The following ANKRD12 variants were observed in gnomAD, a reference collection of about 807,000 sequenced individuals.
ANKRD12 encodes the protein ankyrin repeat domain 12.
A neutral mutation model predicts 183.4 loss-of-function variants in ANKRD12; 85 were observed. The ratio of observed to expected loss-of-function variants is 0.46; its 90% CI spans 0.39 to 0.56. The LOEUF (loss-of-function observed/expected upper bound fraction) is 0.56, where lower values mean the gene tolerates loss of function less well. Ranked by LOEUF, ANKRD12 falls within the 20% of genes least tolerant of loss-of-function variation. The pLI is 0.00. For synonymous variants in ANKRD12, 914 were observed against 800.2 expected, an observed-to-expected ratio of 1.14 and a Z score of -2.40; for missense variants, 2,405 against 2,357.1, an observed-to-expected ratio of 1.02 and a Z score of -0.42.
intron 1 of ANKRD12, among the ~76,000 whole-genome samples, chr18:9,157,604 T>TATATATATATATATATATGTA (rs1491418837): frequency 8.7e-5 from 4 of 45,930 alleles, no homozygotes; most frequent in Admixed American, 3.4e-4. Flanking sequence ...TATATATGTA[T>TATATATATATATATATATGTA]TTTTTTTTTT....
intron 10 of ANKRD12, among the ~76,000 whole-genome samples, chr18:9,270,194 A>C (rs1303007851): frequency 6.6e-6 from 1 of 152,228 alleles, no homozygotes; most frequent in Admixed American, 6.5e-5. Context: ...CCATTGTGGA[A>C]GTCAGTGTGG....
At chr18:9,234,302 T>C (rs1010828623) in intron 8 of ANKRD12, among the ~76,000 whole-genome samples, 2 of 152,112 alleles carry the variant, frequency 1.3e-5, no homozygotes, top group Non-Finnish European at 2.9e-5. Context: ...CCACTCTACA[T>C]GTGAGCCCAG....
intron 8 of ANKRD12, among the ~76,000 whole-genome samples, chr18:9,225,984 T>G (rs1292889785): frequency 3.9e-5 from 6 of 152,224 alleles, no homozygotes; most frequent in African/African-American, 1.4e-4. Flanking sequence ...AAGACATTCC[T>G]AAGTACTTAA....
intron 3 of ANKRD12, among the ~76,000 whole-genome samples, chr18:9,197,085 T>C (rs1056062148): frequency 6.6e-6 from 1 of 152,206 alleles, no homozygotes; most frequent in East Asian, 1.9e-4. Context: ...TCAAAAAATA[T>C]TAATATTTTT....
intron 1 of ANKRD12, among the ~76,000 whole-genome samples, chr18:9,177,094 A>G (rs2033332138): frequency 6.6e-6 from 1 of 152,244 alleles, no homozygotes; most frequent in Admixed American, 6.5e-5. Context: ...AGTCTACAGT[A>G]GAGCTTGCAG....
chr18:9,187,105 T>A (rs964699649), intron 2 of ANKRD12, among the ~76,000 whole-genome samples: 1 of 152,146 alleles, frequency 6.6e-6, no homozygotes, highest in Non-Finnish European at 1.5e-5. Flanking sequence ...ACTTCTGGGT[T>A]CTGCTAAGTT....
intron 1 of ANKRD12, among the ~76,000 whole-genome samples, chr18:9,143,719 C>CA (rs1258777269): frequency 6.6e-6 from 1 of 152,212 alleles, no homozygotes; most frequent in African/African-American, 2.4e-5. Context: ...CTTGGCCTCC[C>CA]AAAGTGCTGG....
intron 1 of ANKRD12, among the ~76,000 whole-genome samples, chr18:9,177,186 C>T (rs533743752): frequency 6.6e-6 from 1 of 152,198 alleles, no homozygotes; most frequent in South Asian, 2.1e-4. Context: ...AATTGAAGTG[C>T]AAGCAGTGTA....
chr18:9,173,628 A>AGGGGG (rs775694472), intron 1 of ANKRD12, among the ~76,000 whole-genome samples: 52 of 51,274 alleles, frequency 1.0e-3, no homozygotes, highest in African/African-American at 3.4e-3. Flanking sequence ...GGGGGGGGGT[A>AGGGGG]GGGGGGGCAG....
intron 1 of ANKRD12, among the ~76,000 whole-genome samples, chr18:9,168,529 G>T (rs2032330028): frequency 6.6e-6 from 1 of 152,190 alleles, no homozygotes; most frequent in South Asian, 2.1e-4. Flanking sequence ...AGTATTCTCT[G>T]ATAGTAGTTT....
intron 4 of ANKRD12, among the ~76,000 whole-genome samples, chr18:9,205,357 T>G (rs1449799338): frequency 6.6e-6 from 1 of 152,116 alleles, no homozygotes; most frequent in East Asian, 1.9e-4. Context: ...AAGTGTCTAG[T>G]TTTCAGCATA....
Position 9,201,072 on chromosome 18 carries a change from G to GTT in ANKRD12, c.236-3403_236-3402dup, listed in dbSNP as rs2035137188. Among the ~76,000 whole-genome samples, 8 of 152,290 alleles carry GTT rather than the reference G, an allele frequency of 5.3e-5. No individual in the cohort carries two copies. In the South Asian group the frequency reaches 1.7e-3, roughly 32 times the overall value. ...GCATCTGATTAGTTAGCCTATTCTA[G>GTT]TTGCAGCGGAGTCTGAAAAATCATA... On this transcript the variant is annotated intron_variant, in intron 3 of 12. Transcript: ENST00000262126.
At chr18:9,258,989 C>A in intron 9 of ANKRD12, 58 bp downstream of exon 9, 2 of 1,490,186 alleles carry the variant, frequency 1.3e-6, no homozygotes, top group Non-Finnish European at 1.8e-6. Flanking sequence ...AAGTATAATG[C>A]TAGCCACATA....
intron 1 of ANKRD12, among the ~76,000 whole-genome samples, chr18:9,166,450 T>C (rs891123178): frequency 0.011 from 1,678 of 152,296 alleles, 38 homozygotes; most frequent in African/African-American, 0.038. Context: ...GTGGTTTTGA[T>C]TTGCATTTCT....
chr18:9,194,327 T>TTTTATTTATTTA (rs139857271), intron 2 of ANKRD12, among the ~76,000 whole-genome samples: 130 of 144,618 alleles, frequency 9.0e-4, no homozygotes, highest in African/African-American at 2.6e-3. Flanking sequence ...ATATAGATAA[T>TTTTATTTATTTA]TTTATTTATT....
chr18:9,162,192 C>T (rs1444307269), intron 1 of ANKRD12, among the ~76,000 whole-genome samples: 1 of 151,868 alleles, frequency 6.6e-6, no homozygotes, highest in African/African-American at 2.4e-5. Context: ...TATCCCTCCC[C>T]CAACCCCTCC....
chr18:9,140,959 TG>T (rs2078292452), intron 1 of ANKRD12, among the ~76,000 whole-genome samples: 1 of 152,198 alleles, frequency 6.6e-6, no homozygotes, highest in Non-Finnish European at 1.5e-5. Flanking sequence ...TGAAGAGTTA[TG>T]TGATGGATAG....
chr18:9,182,501 G>T lies in ANKRD12; in HGVS notation c.69G>T (p.Glu23Asp). Residue 23 changes from glutamate (E) to aspartate (D), a missense_variant, in exon 2 of 13, where the codon GAG (glutamate) becomes GAT (aspartate). Around this residue, in one of 7 missense-constraint regions of ANKRD12, gnomAD observed 145 missense variants for 145.6 expected, o/e 1.00. Coordinates refer to ENST00000262126, the MANE Select transcript of ANKRD12 (RefSeq NM_015208.5). ...ENSDSDSNMV[E>D]KPYGRKSKDK... ...CTGACAGTGACAGCAATATGGTAGAGAAACCATATGGAAGAAAGGTATATG... is the reference window on the plus strand; with the variant it reads ...CTGACAGTGACAGCAATATGGTAGATAAACCATATGGAAGAAAGGTATATG... 3 of 1,607,016 alleles carry T rather than the reference G, an allele frequency of 1.9e-6. No individual in the cohort carries two copies. The East Asian group carries it at 6.7e-5, about 36-fold the overall frequency.
At chr18:9,214,655 T>TA (rs2035993143) in intron 6 of ANKRD12, among the ~76,000 whole-genome samples, 2 of 151,562 alleles carry the variant, frequency 1.3e-5, no homozygotes, top group South Asian at 4.1e-4. Context: ...ACAGAAGAGT[T>TA]ACGACATTAA....
Sources: allele counts gnomAD v4.1 joint callset (sites outside exome capture counted in the v4.1 genomes callset), GRCh38; gene constraint gnomAD v4.1.1; regional missense constraint gnomAD v4.1.1; transcripts MANE v1.5; gene names NCBI Gene and HGNC (gene_info 2026-07-23, HGNC 2026-07-21).